The following OSBPL1A variants were observed in gnomAD, a reference collection of about 807,000 sequenced individuals.
OSBPL1A encodes oxysterol-binding protein-related protein 1.
A neutral mutation model predicts 137.1 loss-of-function variants in OSBPL1A; 80 were observed. That is an observed-to-expected ratio of 0.58 (90% CI 0.49 to 0.70). The LOEUF (loss-of-function observed/expected upper bound fraction) is 0.70. Ranked by LOEUF, OSBPL1A falls within the 30% of genes least tolerant of loss-of-function variation. The pLI, the probability that OSBPL1A is intolerant of heterozygous loss-of-function variation, is 0.00. For synonymous variants in OSBPL1A, 365 were observed against 389.7 expected (o/e 0.94, Z 0.75); for missense variants, 970 against 1,129.4 (o/e 0.86, Z 2.02).
chr18:24,188,301 G>T (rs529252560), intron 18 of OSBPL1A, among the ~76,000 whole-genome samples: 9 of 152,164 alleles, frequency 5.9e-5, no homozygotes, highest in Admixed American at 2.6e-4. Context: ...AACACAGCAC[G>T]GCAGGATGGG....
intron 21 of OSBPL1A, among the ~76,000 whole-genome samples, chr18:24,173,284 A>G (rs2086338639): frequency 2.0e-5 from 3 of 152,168 alleles, no homozygotes; most frequent in Admixed American, 1.3e-4. Flanking sequence ...GATCAGAAAA[A>G]ATAAGTATTG....
chr18:24,347,750 G>A (rs1410916288), intron 4 of OSBPL1A: 1 of 146,020 alleles, frequency 6.8e-6, no homozygotes, highest in African/African-American at 2.6e-5. Context: ...GGTGAGGCAG[G>A]AGAATCACTT....
chr18:24,311,246 G>A (rs2632435), intron 13 of OSBPL1A, among the ~76,000 whole-genome samples: 87,714 of 152,020 alleles, frequency 0.58, 26,616 homozygotes, highest in African/African-American at 0.71. Context: ...AAATCTTGCC[G>A]CCAACTCATT....
Position 24,253,166 on chromosome 18 carries a change from G to GT in OSBPL1A, c.1282-13785_1282-13784insA, listed in dbSNP as rs750632105. ...CTAAACTCTCCAATGAAAAGACATG[G>GT]CGGGGGGGGGCGCTGAATGGATGAA... On this transcript the variant is annotated intron_variant, in intron 15 of 27. Coordinates refer to ENST00000319481, the MANE Select transcript of OSBPL1A (RefSeq NM_080597.4). Among the ~76,000 whole-genome samples the GT allele has an allele frequency of 1.6e-5, 2 of 126,586 alleles. 1 individual carries two copies. The highest frequency in any genetic ancestry group is 6.0e-4 in the South Asian group (2 of 3,358). The allele number at this position is 126,586 out of a possible 152,430, so 83.0% of individuals were successfully genotyped here.
At chr18:24,206,355 G>C (rs1216383397) in intron 17 of OSBPL1A, among the ~76,000 whole-genome samples, 1 of 152,222 alleles carries the variant, frequency 6.6e-6, no homozygotes. Flanking sequence ...AGCAGAGACT[G>C]TGGTTAAGAC....
intron 17 of OSBPL1A, among the ~76,000 whole-genome samples, chr18:24,213,641 CTT>C (rs985045556): frequency 6.6e-6 from 1 of 152,086 alleles, no homozygotes; most frequent in Non-Finnish European, 1.5e-5. Context: ...ATTTCCATAA[CTT>C]AAAATTATTT....
At chr18:24,397,098 T>C (rs542311413) in intron 1 of OSBPL1A, among the ~76,000 whole-genome samples, 5 of 152,342 alleles carry the variant, frequency 3.3e-5, no homozygotes, top group African/African-American at 9.6e-5. Flanking sequence ...CAATGCCTCC[T>C]GCCAATCATT....
At chr18:24,263,944 A>G (rs1314101478) in intron 15 of OSBPL1A, among the ~76,000 whole-genome samples, 1 of 152,144 alleles carries the variant, frequency 6.6e-6, no homozygotes, top group Non-Finnish European at 1.5e-5. Context: ...GCCTATTCCT[A>G]ACATTTTAAC....
At chr18:24,363,469 T>A (rs1599717138) in intron 4 of OSBPL1A, among the ~76,000 whole-genome samples, 1 of 141,142 alleles carries the variant, frequency 7.1e-6, no homozygotes, top group African/African-American at 2.8e-5. Flanking sequence ...TTTTTTGAGA[T>A]AGAATCTCGC....
chr18:24,232,440 T>C (rs2088311110), intron 16 of OSBPL1A, among the ~76,000 whole-genome samples: 1 of 152,210 alleles, frequency 6.6e-6, no homozygotes, highest in Non-Finnish European at 1.5e-5. Flanking sequence ...TGACAGAGTT[T>C]CTTAAAAGTA....
In OSBPL1A at chr18:24,319,835, G is replaced by A. The variant is rs9945912; in HGVS notation, c.626-1026C>T. On this transcript the variant is annotated intron_variant, in intron 7 of 27. Transcript: ENST00000319481. Reference sequence around the variant, plus strand: ...ACTCTGGAACTGTTTATGCAGGAAGGTGATATATTCTATCAGATAACCTTT... The same window carrying A: ...ACTCTGGAACTGTTTATGCAGGAAGATGATATATTCTATCAGATAACCTTT... Among the ~76,000 whole-genome samples the A allele has an allele frequency of 9.1e-3, 1,386 of 152,188 alleles. 13 individuals are homozygous for A. The highest frequency in any genetic ancestry group is 0.031 in the African/African-American group (1,304 of 41,530).
intron 13 of OSBPL1A, among the ~76,000 whole-genome samples, chr18:24,309,316 A>C (rs1254613258): frequency 6.6e-6 from 1 of 152,190 alleles, no homozygotes; most frequent in Non-Finnish European, 1.5e-5. Context: ...TGTTTACCAA[A>C]AAATGTTTAT....
At chr18:24,335,374 C>G (rs1599681632) in intron 5 of OSBPL1A, among the ~76,000 whole-genome samples, 1 of 152,142 alleles carries the variant, frequency 6.6e-6, no homozygotes, top group South Asian at 2.1e-4. Context: ...GTCACACAAT[C>G]AGAGTGGAGG....
chr18:24,354,933 C>A (rs1224819527), intron 4 of OSBPL1A, among the ~76,000 whole-genome samples: 1 of 152,068 alleles, frequency 6.6e-6, no homozygotes, highest in African/African-American at 2.4e-5. Flanking sequence ...TAACTGTGCC[C>A]CCCTGGCTCC....
chr18:24,316,936 T>C (rs776096855), intron 11 of OSBPL1A, among the ~76,000 whole-genome samples: 1 of 152,150 alleles, frequency 6.6e-6, no homozygotes, highest in African/African-American at 2.4e-5. Context: ...TAATAATACA[T>C]GGAGATAAAT....
chr18:24,288,818 A>G (rs1373877858), intron 14 of OSBPL1A, among the ~76,000 whole-genome samples: 1 of 151,922 alleles, frequency 6.6e-6, no homozygotes, highest in Non-Finnish European at 1.5e-5. Flanking sequence ...AAGTTGTGGT[A>G]ATCAATGGGA....
chr18:24,251,764 A>G (rs1243315604), intron 15 of OSBPL1A, among the ~76,000 whole-genome samples: 2 of 152,232 alleles, frequency 1.3e-5, no homozygotes, highest in Non-Finnish European at 2.9e-5. Context: ...AAAGAGGGAC[A>G]TGTGACATTT....
chr18:24,326,731 C>T (rs754050455), intron 7 of OSBPL1A, among the ~76,000 whole-genome samples: 14 of 152,138 alleles, frequency 9.2e-5, no homozygotes, highest in Non-Finnish European at 1.9e-4. Flanking sequence ...ACTGTGTATT[C>T]GTCTGTGAGT....
chr18:24,379,728 G>A (rs1906448562), intron 1 of OSBPL1A, among the ~76,000 whole-genome samples: 2 of 151,610 alleles, frequency 1.3e-5, no homozygotes. Context: ...AATTTAGCCA[G>A]GTGTGGTAGG....
Sources: allele counts gnomAD v4.1 joint callset (sites outside exome capture counted in the v4.1 genomes callset), GRCh38; gene constraint gnomAD v4.1.1; transcripts MANE v1.5; gene names NCBI Gene and HGNC (gene_info 2026-07-23, HGNC 2026-07-21).